ACACA: variants seen among roughly 807,000 people sequenced by gnomAD.
ACACA encodes acetyl-CoA carboxylase 1.
Under a neutral mutation model 296.1 loss-of-function variants are expected in ACACA, and 103 were observed. The ratio of observed to expected loss-of-function variants is 0.35; its 90% confidence interval spans 0.30 to 0.41. The LOEUF (loss-of-function observed/expected upper bound fraction) is 0.41. Ranked by LOEUF, ACACA falls within the 10% of genes least tolerant of loss-of-function variation. ACACA has a pLI of 1.00. For synonymous variants in ACACA, 953 were observed against 1,038.6 expected (o/e 0.92, Z 1.58); for missense variants, 1,554 against 2,989.7 (o/e 0.52, Z 11.20).
intron 47 of ACACA, among the ~76,000 whole-genome samples, chr17:37,127,951 G>A (rs1348141671): frequency 4.7e-5 from 7 of 147,610 alleles, no homozygotes; most frequent in Admixed American, 2.0e-4. Context: ...GGGGTAAGTG[G>A]AGGCGGAGGT....
At chr17:37,352,604 C>T (rs1333239938) in intron 1 of ACACA, among the ~76,000 whole-genome samples, 4 of 151,802 alleles carry the variant, frequency 2.6e-5, no homozygotes, top group Admixed American at 6.6e-5. Context: ...CTGTAGTCCC[C>T]GCTACTTGGG....
At chr17:37,332,121 C>G (rs1319925162) in intron 2 of ACACA, among the ~76,000 whole-genome samples, 1 of 151,298 alleles carries the variant, frequency 6.6e-6, no homozygotes, top group Non-Finnish European at 1.5e-5. Flanking sequence ...CAATAGCTAA[C>G]TAAGAAACTA....
intron 39 of ACACA, among the ~76,000 whole-genome samples, chr17:37,187,596 C>A (rs1015688962): frequency 6.6e-6 from 1 of 152,214 alleles, no homozygotes; most frequent in South Asian, 2.1e-4. Context: ...TTCTCTGTTT[C>A]ACAGAATTAG....
At chr17:37,362,110 G>T (rs1471180893) in intron 1 of ACACA, among the ~76,000 whole-genome samples, 3 of 152,164 alleles carry the variant, frequency 2.0e-5, no homozygotes, top group Non-Finnish European at 4.4e-5. Flanking sequence ...GGGCATGCAT[G>T]GCCATGTACA....
At chr17:37,208,393 G>A (rs921423407) in intron 30 of ACACA, among the ~76,000 whole-genome samples, 1 of 152,172 alleles carries the variant, frequency 6.6e-6, no homozygotes, top group Non-Finnish European at 1.5e-5. Context: ...GAACTTTACT[G>A]AGGAATTTAC....
chr17:37,350,088 C>T (rs1000669553), intron 1 of ACACA, among the ~76,000 whole-genome samples: 7 of 151,908 alleles, frequency 4.6e-5, no homozygotes, highest in African/African-American at 9.7e-5. Flanking sequence ...CCAACACTTT[C>T]GGAGGCTGAG....
chr17:37,302,924 T>C (rs2083698874), intron 3 of ACACA, among the ~76,000 whole-genome samples: 2 of 152,204 alleles, frequency 1.3e-5, no homozygotes, highest in South Asian at 4.1e-4. Flanking sequence ...TTATGAACTA[T>C]CATCACAATA....
intron 10 of ACACA, among the ~76,000 whole-genome samples, chr17:37,267,560 C>T (rs916514970): frequency 2.0e-5 from 3 of 152,062 alleles, no homozygotes; most frequent in African/African-American, 4.8e-5. Context: ...ACTCACCAGT[C>T]GTTAATTATT....
At chr17:37,137,125 A>C (rs2143688947) in intron 45 of ACACA, among the ~76,000 whole-genome samples, 1 of 152,248 alleles carries the variant, frequency 6.6e-6, no homozygotes, top group South Asian at 2.1e-4. Flanking sequence ...GTTTTTAATT[A>C]CTGGGTTGTT....
At position 37,162,060 on chromosome 17, in the gene ACACA, C is replaced by T; in HGVS notation, c.5080-10G>A. 1 of 1,614,080 alleles carries T rather than the reference C, an allele frequency of 6.2e-7. No homozygotes were observed. Among genetic ancestry groups the T allele is most frequent in the Non-Finnish European group, 8.5e-7 (1 of 1,180,012 alleles). On this transcript the variant is annotated splice_polypyrimidine_tract_variant and intron_variant, in intron 41 of 55. Coordinates refer to ENST00000616317, the MANE Select transcript of ACACA (RefSeq NM_198834.3). The stretch of plus-strand genomic sequence containing the variant: ...AAGCTACCATGCCAATCTGGAAAGG[C>T]ATAAACAAACAAATGAACAGAAGTT...
chr17:37,391,498 C>A, intron 1 of ACACA: 1 of 688,828 alleles, frequency 1.5e-6, no homozygotes, highest in Non-Finnish European at 2.6e-6. Flanking sequence ...ATCATACTTT[C>A]TCAGTGTAAT....
At chr17:37,277,804 G>T in intron 6 of ACACA, 92 bp downstream of exon 6, 2 of 997,678 alleles carry the variant, frequency 2.0e-6, no homozygotes, top group South Asian at 2.7e-5. Flanking sequence ...CGAAAATGAT[G>T]CTTTACAAAA....
Position 37,129,355 on chromosome 17 carries a change from A to C in ACACA, c.5944+10T>G, listed in dbSNP as rs780610935. 1 of 1,614,084 alleles carries C rather than the reference A, an allele frequency of 6.2e-7. No homozygotes were observed. Reference sequence around the variant, plus strand: ...GCCAGGTACCATGGGGTCCTCAAACATATACATACTTGGGTGAGGACGGCC... The same window carrying C: ...GCCAGGTACCATGGGGTCCTCAAACCTATACATACTTGGGTGAGGACGGCC... On this transcript the variant is annotated intron_variant, in intron 47 of 55. Coordinates refer to ENST00000616317, the MANE Select transcript of ACACA (RefSeq NM_198834.3).
In ACACA at chr17:37,122,679, A is replaced by G. The variant is rs932583842; in HGVS notation, c.6042-52T>C. The G allele has an allele frequency of 6.1e-6, 9 of 1,484,086 alleles. No individual in the cohort carries two copies. In the Admixed American group the frequency reaches 1.3e-4, roughly 22 times the overall value. The allele number at this position is 1,484,086 out of a possible 1,614,324, so 91.9% of individuals were successfully genotyped here. ...CCCAATGTATGTCAACATTATAGCT[A>G]GCCATTTGTTTTCCAATCCCAAATC... On this transcript the variant is annotated intron_variant, in intron 48 of 55. Coordinates refer to ENST00000616317, the MANE Select transcript of ACACA (RefSeq NM_198834.3).
chr17:37,171,736 A>T (rs941147857), intron 41 of ACACA, among the ~76,000 whole-genome samples: 1 of 152,236 alleles, frequency 6.6e-6, no homozygotes, highest in African/African-American at 2.4e-5. Flanking sequence ...ATGTTATCAA[A>T]GATTAGAAAT....
intron 1 of ACACA, among the ~76,000 whole-genome samples, chr17:37,357,042 G>A (rs1046602090): frequency 6.6e-6 from 1 of 152,186 alleles, no homozygotes; most frequent in African/African-American, 2.4e-5. Flanking sequence ...ATGAGAGAGC[G>A]TTCTCTGAGG....
chr17:37,196,647 A>G (rs2078014237), intron 35 of ACACA, among the ~76,000 whole-genome samples: 1 of 152,082 alleles, frequency 6.6e-6, no homozygotes, highest in Non-Finnish European at 1.5e-5. Flanking sequence ...ATAATATTAT[A>G]TCCCAATTAG....
At chr17:37,088,839 C>CATAAG in intron 55 of ACACA, 99 bp downstream of exon 55, 1 of 1,470,356 alleles carries the variant, frequency 6.8e-7, no homozygotes, top group Non-Finnish European at 9.5e-7. Flanking sequence ...CTGCAGAGAT[C>CATAAG]ATAAGATTTC....
Position 37,223,416 on chromosome 17 carries a change from G to A in ACACA, c.3564+96C>T, listed in dbSNP as rs1455092818. Reference sequence around the variant, plus strand: ...AACTACCCTTAAGAACCAACCTTAAGGCCAGAGAACTAGAACTGACATGGC... The same window carrying A: ...AACTACCCTTAAGAACCAACCTTAAAGCCAGAGAACTAGAACTGACATGGC... On this transcript the variant is annotated intron_variant, in intron 28 of 55. Transcript: ENST00000616317. 8 of 992,006 alleles carry A rather than the reference G, an allele frequency of 8.1e-6. No homozygotes were observed. The East Asian group carries it at 1.9e-4, about 24-fold the overall frequency. The allele number at this position is 992,006 out of a possible 1,614,324, so 61.5% of individuals were successfully genotyped here.
Sources: gnomAD v4.1 joint callset for allele counts (sites outside exome capture counted in the v4.1 genomes callset) on GRCh38, gnomAD v4.1.1 for gene constraint, MANE v1.5 for transcripts, NCBI Gene and HGNC (gene_info 2026-07-23, HGNC 2026-07-21) for gene names.